DSTN: variants seen among roughly 807,000 people sequenced by gnomAD.
DSTN encodes the protein destrin.
Under a neutral mutation model 16.8 loss-of-function variants are expected in DSTN, and 10 were observed. That is an observed-to-expected ratio of 0.60 (90% confidence interval 0.37 to 1.01). DSTN has a LOEUF of 1.01. Among genes scored for constraint, DSTN ranks in the 50% least tolerant of loss-of-function variants. The pLI is 0.01. For synonymous variants in DSTN, 57 were observed against 58.9 expected (o/e 0.97, Z 0.14); for missense variants, 141 against 196.7 (o/e 0.72, Z 1.69).
chr20:17,575,362 A>G (rs1441884325), intron 1 of DSTN, among the ~76,000 whole-genome samples: 1 of 152,252 alleles, frequency 6.6e-6, no homozygotes, highest in Non-Finnish European at 1.5e-5. Context: ...TCCACAGAAC[A>G]ACACTCTAGT....
At chr20:17,605,487 G>A (rs1476106627) in intron 3 of DSTN, among the ~76,000 whole-genome samples, 1 of 152,184 alleles carries the variant, frequency 6.6e-6, no homozygotes, top group East Asian at 1.9e-4. Flanking sequence ...TTGTTTTACT[G>A]TCACTGGTTT....
chr20:17,601,567 T>TA (rs2035587743), intron 2 of DSTN, among the ~76,000 whole-genome samples: 1 of 152,192 alleles, frequency 6.6e-6, no homozygotes, highest in South Asian at 2.1e-4. Flanking sequence ...TATTTAAAAT[T>TA]AAAAATTCAG....
chr20:17,595,843 T>G (rs1423085827), intron 1 of DSTN, among the ~76,000 whole-genome samples: 1 of 152,170 alleles, frequency 6.6e-6, no homozygotes, highest in African/African-American at 2.4e-5. Flanking sequence ...TTTTGGCTCT[T>G]CCTCTTTATT....
intron 1 of DSTN, among the ~76,000 whole-genome samples, chr20:17,600,409 G>A (rs922043169): frequency 6.6e-6 from 1 of 152,162 alleles, no homozygotes; most frequent in African/African-American, 2.4e-5. Context: ...TGATCTGCCT[G>A]TAGTCAAGGC....
chr20:17,600,611 A>T, intron 1 of DSTN, 127 bp from the exon 2 acceptor site: 1 of 1,143,440 alleles, frequency 8.7e-7, no homozygotes, highest in Admixed American at 3.3e-5. Flanking sequence ...TCAAATTTCT[A>T]GTTTTTTAAT....
Position 17,570,230 on chromosome 20 carries a change from G to A in DSTN, c.3+19G>A. The stretch of plus-strand genomic sequence containing the variant: ...GAAGATGGTGAGTAGGAGGGAGGCC[G>A]AGGCGTGGGCCGAGGCGGCCGGGAG... On this transcript the variant is annotated intron_variant, in intron 1 of 3. Coordinates refer to ENST00000246069, the MANE Select transcript of DSTN (RefSeq NM_006870.4). 6.6e-7 allele frequency: 1 copy of A among 1,505,344 alleles called. No homozygotes were observed. Among genetic ancestry groups the A allele is most frequent in the Non-Finnish European group, 8.8e-7 (1 of 1,130,834 alleles). 93.2% of individuals were successfully genotyped at this position (1,505,344 alleles called of 1,614,324 possible). A position where few individuals can be genotyped will look rare whatever the true frequency, so the allele number is the denominator to read the frequency against.
At chr20:17,577,605 G>A (rs560310782) in intron 1 of DSTN, among the ~76,000 whole-genome samples, 1 of 151,940 alleles carries the variant, frequency 6.6e-6, no homozygotes, top group East Asian at 1.9e-4. Context: ...CTAGTTATAA[G>A]AATATTTCAT....
chr20:17,583,386 A>G (rs905177900), intron 1 of DSTN, among the ~76,000 whole-genome samples: 1 of 152,240 alleles, frequency 6.6e-6, no homozygotes, highest in Non-Finnish European at 1.5e-5. Flanking sequence ...AAAAACTTGT[A>G]CACAAATGTG....
chr20:17,570,293 G>C lies in DSTN; in HGVS notation c.3+82G>C, dbSNP rs1010750186. 26 of 1,388,614 alleles carry C rather than the reference G, an allele frequency of 1.9e-5. No homozygotes were observed. The South Asian group carries it at 3.6e-4, about 19-fold the overall frequency. 86.0% of individuals were successfully genotyped at this position (1,388,614 alleles called of 1,614,324 possible). A position where few individuals can be genotyped will look rare whatever the true frequency, so the allele number is the denominator to read the frequency against. On this transcript the variant is annotated intron_variant, in intron 1 of 3. Coordinates refer to ENST00000246069, the MANE Select transcript of DSTN (RefSeq NM_006870.4). ...GGGGCGCCGCGGAGTCGGGGCTAAG[G>C]GGGTGAGCCGTGCCTCAGCCCGGGG...
intron 1 of DSTN, among the ~76,000 whole-genome samples, chr20:17,590,676 T>C (rs2035459858): frequency 2.0e-5 from 3 of 152,256 alleles, no homozygotes; most frequent in Non-Finnish European, 1.5e-5. Flanking sequence ...ATGGTCTTTA[T>C]TGTTAAAACT....
At chr20:17,582,011 CTGT>C (rs749809719) in intron 1 of DSTN, among the ~76,000 whole-genome samples, 2 of 151,390 alleles carry the variant, frequency 1.3e-5, no homozygotes, top group African/African-American at 2.4e-5. Flanking sequence ...GAACCTGGCA[CTGT>C]TGTTGTAGGC....
chr20:17,589,599 G>A (rs963882178), intron 1 of DSTN, among the ~76,000 whole-genome samples: 1 of 152,168 alleles, frequency 6.6e-6, no homozygotes, highest in African/African-American at 2.4e-5. Flanking sequence ...TTTATTTATT[G>A]TCTCAGCATG....
In DSTN at chr20:17,601,090, T is replaced by G. The variant is rs770323267; in HGVS notation, c.311+45T>G. On this transcript the variant is annotated intron_variant, in intron 2 of 3. Transcript: ENST00000246069. ...TGAGCCTCTGTAAAACTCATTTTGT[T>G]AGCACTCGGGAAGACCAGTTCCAGC... The G allele has an allele frequency of 2.0e-6, 3 of 1,534,702 alleles. No individual in the cohort carries two copies. The Admixed American group carries it at 6.4e-5, about 33-fold the overall frequency.
In DSTN at chr20:17,607,355, C is replaced by A; in HGVS notation, c.*209C>A. 1 of 448,594 alleles carries A rather than the reference C, an allele frequency of 2.2e-6. No homozygotes were observed. Among genetic ancestry groups the A allele is most frequent in the Non-Finnish European group, 3.9e-6 (1 of 256,800 alleles). The allele number at this position is 448,594 out of a possible 1,614,324, so 27.8% of individuals were successfully genotyped here. ...GATGTGAAATTAAATTCTTATTGGC[C>A]AAATGCCTGTTTTGATGAGTTGATT... On this transcript the variant is annotated 3_prime_UTR_variant, in exon 4 of 4. Transcript: ENST00000246069.
At chr20:17,571,617 G>A (rs1192091608) in intron 1 of DSTN, among the ~76,000 whole-genome samples, 1 of 152,196 alleles carries the variant, frequency 6.6e-6, no homozygotes, top group Non-Finnish European at 1.5e-5. Flanking sequence ...GGGGCTTTGA[G>A]TTATGGTACG....
At chr20:17,587,997 G>A (rs1220182221) in intron 1 of DSTN, among the ~76,000 whole-genome samples, 1 of 152,220 alleles carries the variant, frequency 6.6e-6, no homozygotes, top group African/African-American at 2.4e-5. Context: ...CTGATTTACT[G>A]AGCACGAGAC....
At chr20:17,579,373 G>A (rs1401517137) in intron 1 of DSTN, among the ~76,000 whole-genome samples, 1 of 152,086 alleles carries the variant, frequency 6.6e-6, no homozygotes, top group African/African-American at 2.4e-5. Flanking sequence ...TTACGAGTTC[G>A]AGACCGGCCT....
At position 17,609,677 on chromosome 20, in the gene DSTN, A is replaced by C. The variant is rs1166595371; in HGVS notation, c.*2531A>C. The C allele has an allele frequency of 6.6e-6, 1 of 152,234 alleles. No homozygotes were observed. The highest frequency in any genetic ancestry group is 1.5e-5 in the Non-Finnish European group (1 of 68,040). The allele number at this position is 152,234 out of a possible 1,614,324, so 9.4% of individuals were successfully genotyped here. On this transcript the variant is annotated 3_prime_UTR_variant, in exon 4 of 4. Transcript: ENST00000246069. Reference sequence around the variant, plus strand: ...CTCAGTGGATTCCTGAGGCCCAAGAATTGTGCTAACAAGCACTCAAGGCGA... The same window carrying C: ...CTCAGTGGATTCCTGAGGCCCAAGACTTGTGCTAACAAGCACTCAAGGCGA...
intron 1 of DSTN, among the ~76,000 whole-genome samples, chr20:17,584,151 G>C (rs1303999168): frequency 6.6e-6 from 1 of 151,738 alleles, no homozygotes; most frequent in African/African-American, 2.4e-5. Context: ...ACTTTAAACG[G>C]GTAAATTTCA....
Sources: gnomAD v4.1 joint callset for allele counts (sites outside exome capture counted in the v4.1 genomes callset) on GRCh38, gnomAD v4.1.1 for gene constraint, MANE v1.5 for transcripts, NCBI Gene and HGNC (gene_info 2026-07-23, HGNC 2026-07-21) for gene names.